CTTNBP2: variants seen among roughly 807,000 people sequenced by gnomAD.
CTTNBP2 encodes cortactin binding protein 2.
Under a neutral mutation model 156.9 loss-of-function variants are expected in CTTNBP2, and 108 were observed. The ratio of observed to expected loss-of-function variants is 0.69; its 90% CI spans 0.59 to 0.81. CTTNBP2 has a LOEUF of 0.81. Ranked by LOEUF, CTTNBP2 falls within the 30% of genes least tolerant of loss-of-function variation. CTTNBP2 has a pLI of 0.00. For missense variants in CTTNBP2, 1,924 were observed against 2,035.4 expected (o/e 0.95, Z 1.05); for synonymous variants, 767 against 751.8 (o/e 1.02, Z -0.33).
intron 3 of CTTNBP2, among the ~76,000 whole-genome samples, chr7:117,803,074 C>T (rs1799726651): frequency 6.6e-6 from 1 of 152,226 alleles, no homozygotes; most frequent in Admixed American, 6.5e-5. Context: ...AAGACACATG[C>T]ATGCCTATGT....
At chr7:117,721,744 T>C (rs763901031) in intron 19 of CTTNBP2, among the ~76,000 whole-genome samples, 1 of 152,150 alleles carries the variant, frequency 6.6e-6, no homozygotes, top group Non-Finnish European at 1.5e-5. Flanking sequence ...AAAGAGAAAA[T>C]AGCCTGTATT....
chr7:117,841,386 T>C (rs1193994861), intron 2 of CTTNBP2, among the ~76,000 whole-genome samples: 2 of 152,200 alleles, frequency 1.3e-5, no homozygotes, highest in Non-Finnish European at 2.9e-5. Context: ...TCCTGGACCA[T>C]ACCTTGAAAG....
chr7:117,760,791 A>T, intron 9 of CTTNBP2, 81 bp from the exon 10 acceptor site: 2 of 914,256 alleles, frequency 2.2e-6, no homozygotes, highest in Admixed American at 2.4e-5. Flanking sequence ...AAATAAGCAG[A>T]TATAAACATT....
intron 4 of CTTNBP2, among the ~76,000 whole-genome samples, chr7:117,789,450 C>G (rs1010629238): frequency 1.3e-5 from 2 of 152,084 alleles, no homozygotes; most frequent in Non-Finnish European, 2.9e-5. Flanking sequence ...TTGTGACTGC[C>G]CAAAGATCTT....
Position 117,711,525 on chromosome 7 carries a change from T to G in CTTNBP2, c.*12A>C. The G allele has an allele frequency of 6.2e-7, 1 of 1,607,384 alleles. No individual in the cohort carries two copies. On this transcript the variant is annotated 3_prime_UTR_variant, in exon 23 of 23. Transcript: ENST00000160373. ...ATAGAGGAAGTTAATAATGAGAATA[T>G]TGTAGGCAGGCCTATTTGTTAGGTT...
At chr7:117,766,186 A>G (rs944720035) in intron 9 of CTTNBP2, among the ~76,000 whole-genome samples, 9 of 152,226 alleles carry the variant, frequency 5.9e-5, no homozygotes, top group Non-Finnish European at 1.2e-4. Flanking sequence ...GAAATTCTGT[A>G]TAAGACACTG....
intron 12 of CTTNBP2, among the ~76,000 whole-genome samples, chr7:117,754,742 GAATTC>G (rs777039942): frequency 6.6e-6 from 1 of 152,160 alleles, no homozygotes; most frequent in Non-Finnish European, 1.5e-5. Context: ...TACACTCACT[GAATTC>G]AATATAGAAT....
chr7:117,802,382 C>T (rs1445117910), intron 3 of CTTNBP2, among the ~76,000 whole-genome samples: 2 of 140,624 alleles, frequency 1.4e-5, no homozygotes, highest in Admixed American at 7.6e-5. Flanking sequence ...ACATCTCAAA[C>T]TATAAAAATC....
At chr7:117,800,089 T>G (rs1049024478) in intron 3 of CTTNBP2, among the ~76,000 whole-genome samples, 2 of 151,986 alleles carry the variant, frequency 1.3e-5, no homozygotes, top group Non-Finnish European at 2.9e-5. Flanking sequence ...AGTCTATAGA[T>G]TCAATGAAAT....
intron 2 of CTTNBP2, among the ~76,000 whole-genome samples, chr7:117,823,834 G>A (rs1362952124): frequency 6.6e-6 from 1 of 152,112 alleles, no homozygotes; most frequent in East Asian, 1.9e-4. Flanking sequence ...GGGACCACAG[G>A]CACACAGCAC....
intron 8 of CTTNBP2, among the ~76,000 whole-genome samples, chr7:117,772,260 G>A (rs1039223898): frequency 3.3e-5 from 5 of 152,196 alleles, no homozygotes; most frequent in African/African-American, 1.2e-4. Context: ...AGATGATGAG[G>A]GCTCCCTTAG....
At chr7:117,804,602 A>C (rs1447097325) in intron 3 of CTTNBP2, among the ~76,000 whole-genome samples, 5 of 152,238 alleles carry the variant, frequency 3.3e-5, no homozygotes, top group Non-Finnish European at 7.3e-5. Context: ...ACAAATGAAC[A>C]AGATCACATA....
chr7:117,814,799 T>G (rs1476608284), intron 2 of CTTNBP2, among the ~76,000 whole-genome samples: 2 of 152,254 alleles, frequency 1.3e-5, no homozygotes, highest in African/African-American at 4.8e-5. Context: ...AATATGTACA[T>G]TAGATTCCTT....
intron 9 of CTTNBP2, among the ~76,000 whole-genome samples, chr7:117,765,609 A>G (rs1169610095): frequency 2.0e-5 from 3 of 152,184 alleles, no homozygotes; most frequent in African/African-American, 4.8e-5. Context: ...CAGGTCTCCC[A>G]TATCAGTCTT....
At chr7:117,748,647 T>A (rs902805632) in intron 12 of CTTNBP2, among the ~76,000 whole-genome samples, 1 of 152,194 alleles carries the variant, frequency 6.6e-6, no homozygotes, top group African/African-American at 2.4e-5. Flanking sequence ...ACCTCATCCA[T>A]CTCCTTTCTA....
intron 2 of CTTNBP2, among the ~76,000 whole-genome samples, chr7:117,845,446 T>G (rs928236968): frequency 1.3e-5 from 2 of 152,216 alleles, no homozygotes; most frequent in Admixed American, 1.3e-4. Flanking sequence ...TTCTGAGTGA[T>G]GGGAAAATTT....
chr7:117,785,210 T>G (rs1260722902), intron 4 of CTTNBP2, among the ~76,000 whole-genome samples: 1 of 152,204 alleles, frequency 6.6e-6, no homozygotes, highest in Non-Finnish European at 1.5e-5. Flanking sequence ...TATATAATTT[T>G]AACAAAAACA....
chr7:117,763,555 CTTTTTT>C (rs767309488), intron 9 of CTTNBP2, among the ~76,000 whole-genome samples: 10 of 103,452 alleles, frequency 9.7e-5, no homozygotes, highest in South Asian at 3.3e-4. Flanking sequence ...TCTTCTTCTT[CTTTTTT>C]TTTTTTTTTT....
At chr7:117,829,976 T>C (rs2117070539) in intron 2 of CTTNBP2, among the ~76,000 whole-genome samples, 1 of 152,326 alleles carries the variant, frequency 6.6e-6, no homozygotes, top group African/African-American at 2.4e-5. Context: ...TTGAGAAAGA[T>C]AACATGTACT....
Sources: allele counts gnomAD v4.1 joint callset (sites outside exome capture counted in the v4.1 genomes callset), GRCh38; gene constraint gnomAD v4.1.1; transcripts MANE v1.5; gene names NCBI Gene and HGNC (gene_info 2026-07-23, HGNC 2026-07-21).